Variants in NAALADL2 observed in about 807,000 individuals in gnomAD.
NAALADL2 encodes inactive N-acetylated-alpha-linked acidic dipeptidase-like protein 2.
NAALADL2 carries 76 observed loss-of-function variants against 87.2 expected under a neutral mutation model. That is an observed-to-expected ratio of 0.87 (90% CI 0.72 to 1.05). NAALADL2 has a LOEUF of 1.05. Ranked by LOEUF, NAALADL2 falls within the 50% of genes least tolerant of loss-of-function variation. NAALADL2 has a pLI of 0.00. For synonymous variants in NAALADL2, 354 were observed against 331.0 expected, an observed-to-expected ratio of 1.07 and a Z score of -0.75; for missense variants, 1,089 against 945.8, an observed-to-expected ratio of 1.15 and a Z score of -1.99.
intron 4 of NAALADL2, among the ~76,000 whole-genome samples, chr3:175,304,358 A>G (rs926044099): frequency 5.3e-5 from 8 of 152,122 alleles, no homozygotes; most frequent in Non-Finnish European, 7.4e-5. Context: ...TTCTCTCTGG[A>G]GAAGTTACAG....
chr3:174,841,906 C>G (rs899306517), intron 3 of NAALADL2, among the ~76,000 whole-genome samples: 2 of 152,054 alleles, frequency 1.3e-5, no homozygotes, highest in South Asian at 2.1e-4. Flanking sequence ...TAGCATTCCT[C>G]TTGAGGGGTT....
intron 9 of NAALADL2, among the ~76,000 whole-genome samples, chr3:175,536,274 A>G (rs1176185694): frequency 6.6e-6 from 1 of 152,196 alleles, no homozygotes; most frequent in Non-Finnish European, 1.5e-5. Flanking sequence ...TTTGGGAAAA[A>G]TATGTTGGAA....
At chr3:175,696,133 AATTTGAC>A (rs1186807946) in intron 11 of NAALADL2, among the ~76,000 whole-genome samples, 2 of 152,174 alleles carry the variant, frequency 1.3e-5, no homozygotes, top group African/African-American at 4.8e-5. Flanking sequence ...TCAGAAAATT[AATTTGAC>A]TTGTGTTCAC....
intron 9 of NAALADL2, among the ~76,000 whole-genome samples, chr3:175,559,589 C>CT (rs1715930605): frequency 6.6e-6 from 1 of 152,078 alleles, no homozygotes; most frequent in Non-Finnish European, 1.5e-5. Context: ...TCATATATGG[C>CT]TTTTATTATG....
intron 1 of NAALADL2, among the ~76,000 whole-genome samples, chr3:174,526,132 T>C (rs1720722983): frequency 6.6e-6 from 1 of 152,170 alleles, no homozygotes; most frequent in Non-Finnish European, 1.5e-5. Context: ...AATTTTCAGG[T>C]GCTTCTCCCT....
At position 174,765,146 on chromosome 3, in the gene NAALADL2, G is replaced by C. The variant is rs376161757; in HGVS notation, c.-9+27400G>C. ...CATACACACACACACACACACACGA[G>C]AGAGAGAGAGAGAGAGAGAGAGAGA... On this transcript the variant is annotated intron_variant, in intron 3 of 3. Coordinates refer to the NAALADL2 transcript ENST00000434257. 1.7e-3 allele frequency among the ~76,000 whole-genome samples: 135 copies of C among 80,498 alleles called. 1 individual carries two copies. The highest frequency in any genetic ancestry group is 0.014 in the Middle Eastern group (2 of 138). The allele number at this position is 80,498 out of a possible 152,430, so 52.8% of individuals were successfully genotyped here.
chr3:175,081,535 TATCCTACCAATCTAA>T (rs1009610652), intron 1 of NAALADL2, among the ~76,000 whole-genome samples: 5 of 152,168 alleles, frequency 3.3e-5, no homozygotes, highest in Admixed American at 6.5e-5. Context: ...ACCCCCTTCT[TATCCTACCAATCTAA>T]ATTTCTTTCC....
chr3:174,680,190 G>A (rs1045005340), intron 2 of NAALADL2, among the ~76,000 whole-genome samples: 1 of 152,102 alleles, frequency 6.6e-6, no homozygotes, highest in Non-Finnish European at 1.5e-5. Flanking sequence ...CTTCTCAGTA[G>A]ATTTAAATAT....
At chr3:174,460,529 A>G (rs577921556) in intron 1 of NAALADL2, among the ~76,000 whole-genome samples, 1 of 152,148 alleles carries the variant, frequency 6.6e-6, no homozygotes, top group South Asian at 2.1e-4. Context: ...GAAAAACAAA[A>G]CACCTATAAT....
At chr3:175,245,956 T>C (rs1431727481) in intron 3 of NAALADL2, among the ~76,000 whole-genome samples, 2 of 152,168 alleles carry the variant, frequency 1.3e-5, no homozygotes, top group African/African-American at 4.8e-5. Flanking sequence ...TTTGAAAACA[T>C]GATGATTGCT....
At chr3:175,781,645 TCA>T (rs1281298779) in intron 13 of NAALADL2, among the ~76,000 whole-genome samples, 4 of 148,194 alleles carry the variant, frequency 2.7e-5, no homozygotes, top group African/African-American at 7.7e-5. Flanking sequence ...GTTTGTATTT[TCA>T]TTTTTAGCAA....
intron 2 of NAALADL2, among the ~76,000 whole-genome samples, chr3:175,186,455 A>G (rs1737348046): frequency 6.6e-6 from 1 of 152,110 alleles, no homozygotes; most frequent in African/African-American, 2.4e-5. Context: ...AATATAAAAC[A>G]TCTAATTTTA....
chr3:175,494,715 A>G (rs1348294152), intron 9 of NAALADL2, among the ~76,000 whole-genome samples: 1 of 152,122 alleles, frequency 6.6e-6, no homozygotes, highest in East Asian at 1.9e-4. Flanking sequence ...ACGTCTTTAA[A>G]TACTATGGAC....
intron 2 of NAALADL2, among the ~76,000 whole-genome samples, chr3:174,702,221 T>C (rs527999389): frequency 5.9e-5 from 9 of 152,342 alleles, no homozygotes; most frequent in South Asian, 2.1e-4. Context: ...ATATCTTCTA[T>C]GGTTAAACAT....
intron 1 of NAALADL2, among the ~76,000 whole-genome samples, chr3:174,870,130 C>T (rs1727637380): frequency 6.6e-6 from 1 of 150,576 alleles, no homozygotes; most frequent in South Asian, 2.1e-4. Context: ...TACGTGTTAT[C>T]AGCATGTTTG....
At chr3:175,045,380 T>C (rs1754547270) in intron 1 of NAALADL2, among the ~76,000 whole-genome samples, 1 of 152,206 alleles carries the variant, frequency 6.6e-6, no homozygotes, top group Non-Finnish European at 1.5e-5. Flanking sequence ...CCCCAGGTCA[T>C]TTAAATTGTG....
At chr3:175,695,171 A>G (rs748782340) in intron 11 of NAALADL2, among the ~76,000 whole-genome samples, 4 of 152,000 alleles carry the variant, frequency 2.6e-5, no homozygotes, top group Non-Finnish European at 5.9e-5. Context: ...TACATAAACC[A>G]TGGTTTCCAA....
At chr3:174,904,871 AT>A (rs35310691) in intron 1 of NAALADL2, among the ~76,000 whole-genome samples, 54,714 of 151,232 alleles carry the variant, frequency 0.36, 10,735 homozygotes, top group African/African-American at 0.52. Context: ...ATTATTAAGC[AT>A]TTTTTTTCTG....
At chr3:174,731,668 G>T (rs1012177230) in intron 2 of NAALADL2, among the ~76,000 whole-genome samples, 5 of 152,082 alleles carry the variant, frequency 3.3e-5, no homozygotes, top group African/African-American at 1.2e-4. Context: ...AGATTGCTGG[G>T]CCCTATCTCA....
Sources: gnomAD v4.1 joint callset for allele counts (sites outside exome capture counted in the v4.1 genomes callset) on GRCh38, gnomAD v4.1.1 for gene constraint, MANE v1.5 for transcripts, NCBI Gene and HGNC (gene_info 2026-07-23, HGNC 2026-07-21) for gene names.